Variants in MACROD2 observed in about 807,000 individuals in gnomAD.
MACROD2 encodes the protein ADP-ribose glycohydrolase MACROD2.
A neutral mutation model predicts 70.4 loss-of-function variants in MACROD2; 36 were observed. The ratio of observed to expected loss-of-function variants is 0.51; its 90% confidence interval spans 0.39 to 0.68. The LOEUF (loss-of-function observed/expected upper bound fraction) is 0.68, where lower values mean the gene tolerates loss of function less well. Among genes scored for constraint, MACROD2 ranks in the 30% least tolerant of loss-of-function variants. The pLI is 0.00. For synonymous variants in MACROD2, 172 were observed against 178.8 expected, an observed-to-expected ratio of 0.96 and a Z score of 0.30; for missense variants, 496 against 538.4, an observed-to-expected ratio of 0.92 and a Z score of 0.78.
intron 4 of MACROD2, among the ~76,000 whole-genome samples, chr20:14,660,750 G>A (rs1986185299): frequency 6.6e-6 from 1 of 151,928 alleles, no homozygotes; most frequent in South Asian, 2.1e-4. Flanking sequence ...CCATCTTTCT[G>A]TCTATGCATA....
chr20:14,603,611 G>C (rs545841248), intron 4 of MACROD2, among the ~76,000 whole-genome samples: 21 of 152,266 alleles, frequency 1.4e-4, no homozygotes, highest in Non-Finnish European at 2.9e-4. Context: ...TGATTAACTT[G>C]ATGTGAAGTT....
intron 4 of MACROD2, among the ~76,000 whole-genome samples, chr20:14,684,293 C>G (rs1707960812): frequency 6.6e-6 from 1 of 152,164 alleles, no homozygotes; most frequent in Non-Finnish European, 1.5e-5. Context: ...AGAAGTTGCT[C>G]AAAGGTTTGG....
At chr20:15,496,745 T>C (rs573748459) in intron 7 of MACROD2, among the ~76,000 whole-genome samples, 5 of 152,174 alleles carry the variant, frequency 3.3e-5, no homozygotes, top group African/African-American at 7.2e-5. Context: ...CCTGGGGTCA[T>C]TGGAATGTGT....
chr20:14,001,859 A>C (rs1166356200), intron 1 of MACROD2, among the ~76,000 whole-genome samples: 1 of 152,188 alleles, frequency 6.6e-6, no homozygotes, highest in Non-Finnish European at 1.5e-5. Context: ...CACTATCTTG[A>C]GGCTAGCACC....
rs578173181 is a variant in MACROD2 at position 14,513,432 on chromosome 20, T to C, written c.301+19924T>C. On this transcript the variant is annotated intron_variant, in intron 4 of 17. Coordinates refer to ENST00000684519, the MANE Select transcript of MACROD2 (RefSeq NM_001351661.2). ...GCTTGCATTTTTCTTCTTTAATCTC[T>C]CAAATTTTTCTCCAAGACTCAAAAT... Among the ~76,000 whole-genome samples the C allele has an allele frequency of 2.6e-5, 4 of 152,140 alleles. No homozygotes were observed. In the East Asian group the frequency reaches 7.7e-4, roughly 29 times the overall value.
chr20:15,565,613 C>A (rs1043348806), intron 8 of MACROD2, among the ~76,000 whole-genome samples: 1 of 152,084 alleles, frequency 6.6e-6, no homozygotes, highest in African/African-American at 2.4e-5. Flanking sequence ...AGTTGGTATT[C>A]TTTTTTTGTT....
intron 8 of MACROD2, among the ~76,000 whole-genome samples, chr20:15,773,344 T>C (rs1436166516): frequency 1.3e-5 from 2 of 152,054 alleles, no homozygotes; most frequent in Non-Finnish European, 2.9e-5. Context: ...GTTTAGAACA[T>C]ATTCTTTAAA....
intron 3 of MACROD2, among the ~76,000 whole-genome samples, chr20:14,310,521 C>T (rs2082557712): frequency 6.6e-6 from 1 of 152,080 alleles, no homozygotes; most frequent in Non-Finnish European, 1.5e-5. Flanking sequence ...ACCATGCTGC[C>T]AGGTGTATAA....
intron 8 of MACROD2, among the ~76,000 whole-genome samples, chr20:15,799,311 C>A (rs559804255): frequency 6.6e-6 from 1 of 152,274 alleles, no homozygotes; most frequent in East Asian, 1.9e-4. Flanking sequence ...TTCAAATCTT[C>A]TAGCTATTTT....
chr20:15,520,922 T>A (rs1210268609), intron 8 of MACROD2, among the ~76,000 whole-genome samples: 1 of 152,046 alleles, frequency 6.6e-6, no homozygotes, highest in Non-Finnish European at 1.5e-5. Context: ...CTCACTAGAG[T>A]TCATGGCGGA....
chr20:16,008,794 T>G (rs2066823219), intron 15 of MACROD2, among the ~76,000 whole-genome samples: 1 of 152,238 alleles, frequency 6.6e-6, no homozygotes, highest in African/African-American at 2.4e-5. Context: ...TTGTTTGTGA[T>G]GAACGGTGAG....
At chr20:14,273,446 C>A (rs367580265) in intron 3 of MACROD2, among the ~76,000 whole-genome samples, 5 of 147,608 alleles carry the variant, frequency 3.4e-5, no homozygotes, top group African/African-American at 1.3e-4. Context: ...TTGAAACCAA[C>A]GAGAACAAAG....
At chr20:14,562,854 G>A (rs1979530330) in intron 4 of MACROD2, among the ~76,000 whole-genome samples, 1 of 151,728 alleles carries the variant, frequency 6.6e-6, no homozygotes, top group Non-Finnish European at 1.5e-5. Flanking sequence ...TGCCTGTCGT[G>A]TTCTTGCCAG....
intron 4 of MACROD2, among the ~76,000 whole-genome samples, chr20:14,681,818 T>C (rs2070936109): frequency 6.6e-6 from 1 of 152,170 alleles, no homozygotes; most frequent in South Asian, 2.1e-4. Flanking sequence ...ATGCAGGAAT[T>C]GAGAAGACAG....
At chr20:14,904,569 A>G (rs1025699517) in intron 5 of MACROD2, among the ~76,000 whole-genome samples, 8 of 152,182 alleles carry the variant, frequency 5.3e-5, no homozygotes, top group Non-Finnish European at 8.8e-5. Context: ...TTGAACTACA[A>G]CAGTGGAGAT....
chr20:14,056,987 T>C (rs1469811783), intron 2 of MACROD2, among the ~76,000 whole-genome samples: 2 of 152,138 alleles, frequency 1.3e-5, no homozygotes, highest in African/African-American at 2.4e-5. Flanking sequence ...CTTCATAATA[T>C]ATTTTATTCT....
intron 2 of MACROD2, among the ~76,000 whole-genome samples, chr20:14,007,965 T>C (rs2052845830): frequency 6.6e-6 from 1 of 152,194 alleles, no homozygotes; most frequent in Admixed American, 6.5e-5. Flanking sequence ...TACTCAAGTA[T>C]AAAATATTTT....
intron 5 of MACROD2, among the ~76,000 whole-genome samples, chr20:15,228,769 T>C (rs2076934471): frequency 6.6e-6 from 1 of 152,150 alleles, no homozygotes; most frequent in South Asian, 2.1e-4. Context: ...ATTACAGGCG[T>C]GGTCCACTGC....
At chr20:14,556,992 A>G (rs1979076189) in intron 4 of MACROD2, among the ~76,000 whole-genome samples, 1 of 152,022 alleles carries the variant, frequency 6.6e-6, no homozygotes, top group Non-Finnish European at 1.5e-5. Flanking sequence ...AACTATGGTA[A>G]TGAAGACAAC....
Sources: gnomAD v4.1 joint callset for allele counts (sites outside exome capture counted in the v4.1 genomes callset) on GRCh38, gnomAD v4.1.1 for gene constraint, MANE v1.5 for transcripts, NCBI Gene and HGNC (gene_info 2026-07-23, HGNC 2026-07-21) for gene names.